The following TACC1 variants were observed in gnomAD, a reference collection of about 807,000 sequenced individuals.
TACC1 encodes the protein transforming acidic coiled-coil containing protein 1.
In TACC1, 48 loss-of-function variants were observed where a neutral mutation model predicts 84.4. The ratio of observed to expected loss-of-function variants is 0.57; its 90% CI spans 0.45 to 0.72. The LOEUF (loss-of-function observed/expected upper bound fraction) is 0.72, where lower values mean the gene tolerates loss of function less well. Ranked by LOEUF, TACC1 falls within the 30% of genes least tolerant of loss-of-function variation. The pLI is 0.00. For synonymous variants in TACC1, 372 were observed against 376.3 expected, an observed-to-expected ratio of 0.99 and a Z score of 0.13; for missense variants, 920 against 973.0, an observed-to-expected ratio of 0.95 and a Z score of 0.72.
chr8:38,832,827 T>G (rs1043297553), intron 6 of TACC1, among the ~76,000 whole-genome samples: 3 of 152,176 alleles, frequency 2.0e-5, no homozygotes, highest in Admixed American at 1.3e-4. Flanking sequence ...TGAGGACAAA[T>G]GAGCACAGTC....
intron 2 of TACC1, among the ~76,000 whole-genome samples, chr8:38,804,084 A>G (rs1822072759): frequency 6.6e-6 from 1 of 152,220 alleles, no homozygotes; most frequent in South Asian, 2.1e-4. Context: ...AATGGCATTA[A>G]TAAGCCCTAC....
At chr8:38,788,223 C>G (rs1464864611) in intron 1 of TACC1, 2 of 173,176 alleles carry the variant, frequency 1.2e-5, no homozygotes, top group African/African-American at 4.8e-5. Context: ...CTCTGCCGGG[C>G]TGTCATCCGC....
At chr8:38,841,533 T>C (rs753566049) in intron 9 of TACC1, among the ~76,000 whole-genome samples, 1 of 152,188 alleles carries the variant, frequency 6.6e-6, no homozygotes, top group Non-Finnish European at 1.5e-5. Context: ...CACAAATGAC[T>C]GTCAAAGTCC....
chr8:38,754,249 G>A lies in TACC1; in HGVS notation c.26+8756G>A, dbSNP rs115116551. Among the ~76,000 whole-genome samples the A allele has an allele frequency of 7.9e-3, 1,209 of 152,228 alleles. 16 individuals are homozygous for A. The highest frequency in any genetic ancestry group is 0.028 in the African/African-American group (1,145 of 41,518). On this transcript the variant is annotated intron_variant, in intron 3 of 14. Transcript: ENST00000518415. ...TTACAGGTGTGAGCCACCGCGCCCG[G>A]CCTTTTTCCTTTACTTTCAACCATT...
At chr8:38,810,466 A>G (rs1397212191) in intron 2 of TACC1, among the ~76,000 whole-genome samples, 1 of 152,018 alleles carries the variant, frequency 6.6e-6, no homozygotes, top group Non-Finnish European at 1.5e-5. Flanking sequence ...AGCTGGGCAC[A>G]CTGGCTGTAT....
intron 10 of TACC1, among the ~76,000 whole-genome samples, chr8:38,842,816 G>A (rs1027002378): frequency 3.9e-5 from 6 of 152,192 alleles, no homozygotes; most frequent in Non-Finnish European, 7.3e-5. Context: ...GGATTAGAAG[G>A]AATTCCATGT....
chr8:38,842,564 G>A (rs1482043514), intron 10 of TACC1, 117 bp downstream of exon 10: 1 of 1,113,252 alleles, frequency 9.0e-7, no homozygotes, highest in African/African-American at 1.6e-5. Flanking sequence ...AGGAGCTCAG[G>A]GCCTACTGGC....
At chr8:38,785,020 G>A (rs752859024), upstream of TACC1, among the ~76,000 whole-genome samples, 12 of 151,582 alleles carry the variant, frequency 7.9e-5, no homozygotes, top group Non-Finnish European at 1.2e-4. Flanking sequence ...CTTTATGGAT[G>A]TTCGGGGTAT....
At chr8:38,835,694 AT>A (rs1453311804) in intron 6 of TACC1, among the ~76,000 whole-genome samples, 1 of 152,232 alleles carries the variant, frequency 6.6e-6, no homozygotes, top group African/African-American at 2.4e-5. Context: ...GAAAGTTAGT[AT>A]TTTAGAAACA....
At chr8:38,744,828 G>C (rs1807768359) in intron 2 of TACC1, 1 of 152,152 alleles carries the variant, frequency 6.6e-6, no homozygotes, top group Non-Finnish European at 1.5e-5. Flanking sequence ...ATGACCATAA[G>C]AATAATATAT....
intron 2 of TACC1, among the ~76,000 whole-genome samples, chr8:38,809,006 C>T (rs1371450502): frequency 6.6e-6 from 1 of 151,930 alleles, no homozygotes; most frequent in Non-Finnish European, 1.5e-5. Context: ...GTTTATTTAC[C>T]TGGCACCTGC....
chr8:38,761,836 C>G (rs908373670), intron 3 of TACC1, among the ~76,000 whole-genome samples: 3 of 152,146 alleles, frequency 2.0e-5, no homozygotes, highest in African/African-American at 4.8e-5. Context: ...AGACCCAGAG[C>G]AACCAGCCCT....
Position 38,831,166 on chromosome 8 carries a change from T to G in TACC1, c.1702T>G (p.Ser568Ala). The G allele has an allele frequency of 6.2e-7, 1 of 1,614,176 alleles. No homozygotes were observed. The highest frequency in any genetic ancestry group is 8.5e-7 in the Non-Finnish European group (1 of 1,180,010). ...GTGCCAGAAGATGGAAGAAGACGGG[T>G]CCACTGTGCTTGTAAGTTCCTGAAT... ...ETCQKMEEDG[S>A]TVLGLLESSA... is the part of the protein sequence containing the mutation. The change falls in exon 6 of 13, where the codon TCC becomes GCC. Residue 568 changes from serine (S) to alanine (A), a missense_variant. Coordinates refer to ENST00000317827, the MANE Select transcript of TACC1 (RefSeq NM_006283.3).
intron 3 of TACC1, among the ~76,000 whole-genome samples, chr8:38,746,213 T>C (rs1272656622): frequency 6.6e-6 from 1 of 152,214 alleles, no homozygotes; most frequent in Non-Finnish European, 1.5e-5. Context: ...AGCTTGTTTT[T>C]GATTAATCGA....
At chr8:38,769,781 T>C (rs941334196) in intron 3 of TACC1, among the ~76,000 whole-genome samples, 1 of 114,166 alleles carries the variant, frequency 8.8e-6, no homozygotes, top group Non-Finnish European at 1.8e-5. Context: ...TGTGTATGGG[T>C]TGGGGGTGTG....
At chr8:38,765,292 A>G (rs1286993410) in intron 3 of TACC1, among the ~76,000 whole-genome samples, 1 of 152,120 alleles carries the variant, frequency 6.6e-6, no homozygotes, top group Non-Finnish European at 1.5e-5. Flanking sequence ...TCCTCAGATT[A>G]TTGGAACTTG....
chr8:38,814,230 G>T (rs1015547989), intron 2 of TACC1, among the ~76,000 whole-genome samples: 3 of 152,188 alleles, frequency 2.0e-5, no homozygotes, highest in Non-Finnish European at 2.9e-5. Context: ...CAGCTTAAAT[G>T]TTAGGGATGC....
chr8:38,817,983 G>C (rs1323087858), intron 2 of TACC1, among the ~76,000 whole-genome samples: 1 of 147,068 alleles, frequency 6.8e-6, no homozygotes, highest in Non-Finnish European at 1.5e-5. Flanking sequence ...TGTGACCCCA[G>C]TGCTTTGGGA....
At chr8:38,810,256 T>A (rs1408396371) in intron 2 of TACC1, among the ~76,000 whole-genome samples, 1 of 152,156 alleles carries the variant, frequency 6.6e-6, no homozygotes, top group Non-Finnish European at 1.5e-5. Flanking sequence ...ATATTTAAAA[T>A]TCAGGTTTTA....
Sources: allele counts gnomAD v4.1 joint callset (sites outside exome capture counted in the v4.1 genomes callset), GRCh38; gene constraint gnomAD v4.1.1; transcripts MANE v1.5; gene names NCBI Gene and HGNC (gene_info 2026-07-23, HGNC 2026-07-21).